IQSEC1: variants seen among roughly 807,000 people sequenced by gnomAD.
IQSEC1 encodes IQ motif and Sec7 domain ArfGEF 1, also known as IQ motif and SEC7 domain-containing protein 1.
A neutral mutation model predicts 91.0 loss-of-function variants in IQSEC1; 31 were observed. The ratio of observed to expected loss-of-function variants is 0.34; its 90% CI spans 0.26 to 0.46. IQSEC1 has a LOEUF of 0.46. Ranked by LOEUF, IQSEC1 falls within the 20% of genes least tolerant of loss-of-function variation. IQSEC1 has a pLI of 1.00. For missense variants in IQSEC1, 1,388 were observed against 1,575.6 expected (o/e 0.88, Z 2.02); for synonymous variants, 699 against 662.6 (o/e 1.05, Z -0.84).
intron 1 of IQSEC1, 76 bp from the exon 2 acceptor site, chr3:12,941,941 C>T (rs1698793461): frequency 7.4e-7 from 1 of 1,344,724 alleles, no homozygotes. Flanking sequence ...GGGGCGTGAC[C>T]CCACCATGCT....
At chr3:13,107,648 A>C (rs1434561215) in intron 2 of IQSEC1, among the ~76,000 whole-genome samples, 1 of 152,238 alleles carries the variant, frequency 6.6e-6, no homozygotes. Flanking sequence ...TATAATTTCT[A>C]CTGGCATCAT....
At chr3:13,269,918 T>G (rs974982107) in intron 1 of IQSEC1, among the ~76,000 whole-genome samples, 1 of 152,250 alleles carries the variant, frequency 6.6e-6, no homozygotes, top group African/African-American at 2.4e-5. Flanking sequence ...GGCAGAAGTA[T>G]GTCTGGGACT....
At chr3:13,179,394 C>T (rs1272423745) in intron 1 of IQSEC1, among the ~76,000 whole-genome samples, 1 of 152,198 alleles carries the variant, frequency 6.6e-6, no homozygotes, top group East Asian at 1.9e-4. Context: ...GCAGATTACT[C>T]ATAAAAATTA....
intron 1 of IQSEC1, among the ~76,000 whole-genome samples, chr3:13,184,410 G>C (rs867841014): frequency 2.6e-5 from 4 of 152,234 alleles, no homozygotes; most frequent in African/African-American, 9.6e-5. Context: ...ATTCAACACT[G>C]ATTCATGATG....
chr3:12,953,515 G>A lies in IQSEC1; in HGVS notation c.24-11650C>T, dbSNP rs923217616. Among the ~76,000 whole-genome samples the A allele has an allele frequency of 5.3e-5, 8 of 152,302 alleles. No homozygotes were observed. In the South Asian group the frequency reaches 8.3e-4, roughly 16 times the overall value. On this transcript the variant is annotated intron_variant, in intron 1 of 13. Coordinates refer to ENST00000613206, the MANE Select transcript of IQSEC1 (RefSeq NM_001134382.3). ...ATATATATAGAAAAATATAGGACTC[G>A]AACAATGAACTTTTCAAAGCGGGAG...
intron 1 of IQSEC1, among the ~76,000 whole-genome samples, chr3:13,070,712 G>A (rs1490244728): frequency 6.6e-6 from 1 of 152,208 alleles, no homozygotes; most frequent in East Asian, 1.9e-4. Context: ...GGCAGAGCGG[G>A]GATGGCCTGG....
At chr3:13,101,542 G>A (rs1472048277) in intron 2 of IQSEC1, among the ~76,000 whole-genome samples, 1 of 152,170 alleles carries the variant, frequency 6.6e-6, no homozygotes, top group Non-Finnish European at 1.5e-5. Flanking sequence ...ATGGTGGGCT[G>A]GCAGGGAGAG....
intron 2 of IQSEC1, among the ~76,000 whole-genome samples, chr3:13,122,794 A>C (rs1345872729): frequency 1.3e-5 from 2 of 152,196 alleles, no homozygotes; most frequent in Non-Finnish European, 2.9e-5. Flanking sequence ...GCCAGGATTC[A>C]AATCCACATC....
chr3:13,093,298 A>G (rs1278111928), intron 2 of IQSEC1, among the ~76,000 whole-genome samples: 1 of 152,134 alleles, frequency 6.6e-6, no homozygotes, highest in Non-Finnish European at 1.5e-5. Context: ...GGACGGAAGG[A>G]GACCTGGGGC....
chr3:13,143,641 G>T (rs1330303506), intron 2 of IQSEC1, among the ~76,000 whole-genome samples: 1 of 152,222 alleles, frequency 6.6e-6, no homozygotes, highest in Non-Finnish European at 1.5e-5. Context: ...TGACCAATCA[G>T]GTGGTGAGGG....
chr3:13,022,592 G>C (rs1703451516), intron 1 of IQSEC1: 1 of 361,528 alleles, frequency 2.8e-6, no homozygotes, highest in Non-Finnish European at 3.9e-6. Context: ...CTCAGAGAGA[G>C]GGAGGCGGGC....
rs1250630046 is a variant in IQSEC1 at position 12,899,574 on chromosome 3, G to A, written c.*1409C>T. 1 of 1,481,974 alleles carries A rather than the reference G, an allele frequency of 6.7e-7. No individual in the cohort carries two copies. The highest frequency in any genetic ancestry group is 9.0e-7 in the Non-Finnish European group (1 of 1,107,622). The allele number at this position is 1,481,974 out of a possible 1,614,324, so 91.8% of individuals were successfully genotyped here. A position where few individuals can be genotyped will look rare whatever the true frequency, so the allele number is the denominator to read the frequency against. On this transcript the variant is annotated 3_prime_UTR_variant, in exon 14 of 14. Coordinates refer to ENST00000613206, the MANE Select transcript of IQSEC1 (RefSeq NM_001134382.3). ...CATGTGATGCCCTGGCAGCTCACTGGACCATGGGAAGGCAGCGGGGGCTCC... is the reference window on the plus strand; with the variant it reads ...CATGTGATGCCCTGGCAGCTCACTGAACCATGGGAAGGCAGCGGGGGCTCC...
At chr3:13,022,328 C>A in intron 1 of IQSEC1, 1 of 1,195,298 alleles carries the variant, frequency 8.4e-7, no homozygotes, top group Non-Finnish European at 1.0e-6. Flanking sequence ...CACCGGCCAG[C>A]CTCTGTGCCC....
In IQSEC1 at chr3:12,935,814, T is replaced by A; in HGVS notation, c.1202A>T (p.Gln401Leu). Residue 401 changes from glutamine (Q) to leucine (L), a missense_variant, in exon 3 of 14, where the codon CAG (glutamine) becomes CTG (leucine). By Grantham distance (113) the Gln-to-Leu change is moderately radical. Coordinates refer to ENST00000613206, the MANE Select transcript of IQSEC1 (RefSeq NM_001134382.3). This position sits in a 1 kb window ranked among gnomAD's most constrained non-coding sequence, Gnocchi z 8.0. ...SAYERSLGGQ[Q>L]GSPKHGPHSG... ...GTGGGGACCATGCTTGGGACTGCCC[T>A]GCTGCCCGCCAAGGCTGCGCTCGTA... 3 of 1,607,666 alleles carry A rather than the reference T, an allele frequency of 1.9e-6. No individual in the cohort carries two copies. The highest frequency in any genetic ancestry group is 2.5e-6 in the Non-Finnish European group (3 of 1,179,762).
intron 12 of IQSEC1, 39 bp from the exon 13 acceptor site, chr3:12,902,861 A>C: frequency 6.5e-7 from 1 of 1,544,870 alleles, no homozygotes. Context: ...AGACGCGGAC[A>C]TGAGGCTGGG....
chr3:13,089,053 A>G (rs1248117687), intron 2 of IQSEC1, among the ~76,000 whole-genome samples: 3 of 152,254 alleles, frequency 2.0e-5, no homozygotes, highest in Non-Finnish European at 4.4e-5. Flanking sequence ...ACAGGTGTGT[A>G]ACCGCTGGAC....
At chr3:13,250,603 ATTTATTTTAT>A (rs201541847) in intron 1 of IQSEC1, among the ~76,000 whole-genome samples, 12,829 of 134,592 alleles carry the variant, frequency 0.095, 1,080 homozygotes, top group African/African-American at 0.25. Flanking sequence ...CACCCAGATA[ATTTATTTTAT>A]TTTATTTTAT....
intron 1 of IQSEC1, among the ~76,000 whole-genome samples, chr3:13,246,896 A>G (rs1695117285): frequency 6.6e-6 from 1 of 152,142 alleles, no homozygotes; most frequent in Admixed American, 6.5e-5. Flanking sequence ...GACTCCCACC[A>G]CGAGCGAATG....
chr3:13,143,530 A>T (rs576151461), intron 2 of IQSEC1, among the ~76,000 whole-genome samples: 1 of 152,316 alleles, frequency 6.6e-6, no homozygotes, highest in African/African-American at 2.4e-5. Flanking sequence ...ACAGGGGAGC[A>T]GCTCCAAATG....
Sources: gnomAD v4.1 joint callset for allele counts (sites outside exome capture counted in the v4.1 genomes callset) on GRCh38, gnomAD v4.1.1 for gene constraint, Gnocchi (gnomAD v3.1) non-coding constraint, MANE v1.5 for transcripts, NCBI Gene and HGNC (gene_info 2026-07-23, HGNC 2026-07-21) for gene names.